MTMR3: variants seen among roughly 807,000 people sequenced by gnomAD.
MTMR3 encodes phosphatidylinositol-3,5-bisphosphate 3-phosphatase MTMR3.
A neutral mutation model predicts 132.4 loss-of-function variants in MTMR3; 32 were observed. That is an observed-to-expected ratio of 0.24 (90% confidence interval 0.18 to 0.32). The LOEUF (loss-of-function observed/expected upper bound fraction) is 0.32, where lower values mean the gene tolerates loss of function less well. MTMR3 is among the 10% of genes least tolerant of loss of function. The pLI is 1.00. For missense variants in MTMR3, 1,216 were observed against 1,489.6 expected, an observed-to-expected ratio of 0.82 and a Z score of 3.02; for synonymous variants, 556 against 550.3, an observed-to-expected ratio of 1.01 and a Z score of -0.14.
At chr22:29,933,900 A>G (rs1049226262) in intron 1 of MTMR3, among the ~76,000 whole-genome samples, 2 of 152,042 alleles carry the variant, frequency 1.3e-5, no homozygotes, top group South Asian at 2.1e-4. Context: ...TTGCTTTCTT[A>G]CCACCTCTCA....
At chr22:29,968,600 A>G (rs1472872415) in intron 2 of MTMR3, among the ~76,000 whole-genome samples, 1 of 152,088 alleles carries the variant, frequency 6.6e-6, no homozygotes, top group South Asian at 2.1e-4. Flanking sequence ...CTGTTACACC[A>G]TCACCAAACT....
At chr22:29,885,381 A>T (rs2064653355) in intron 1 of MTMR3, among the ~76,000 whole-genome samples, 1 of 152,342 alleles carries the variant, frequency 6.6e-6, no homozygotes, top group East Asian at 1.9e-4. Context: ...ACTTAAAGAG[A>T]TGCAAATTGA....
chr22:29,889,486 C>T (rs1335436703), intron 1 of MTMR3, among the ~76,000 whole-genome samples: 10 of 151,840 alleles, frequency 6.6e-5, no homozygotes, highest in Admixed American at 2.0e-4. Flanking sequence ...AGGGTTTCAC[C>T]ATGTTGGCCA....
intron 7 of MTMR3, chr22:29,996,512 A>C (rs1185450465): frequency 6.6e-6 from 1 of 152,206 alleles, no homozygotes; most frequent in Admixed American, 6.5e-5. Context: ...AGAGGTGTTA[A>C]TGTAAAAGAT....
At chr22:29,960,816 A>G (rs746592421) in intron 2 of MTMR3, among the ~76,000 whole-genome samples, 2 of 152,136 alleles carry the variant, frequency 1.3e-5, no homozygotes, top group East Asian at 1.9e-4. Flanking sequence ...TCTTGAGGCT[A>G]TTATCTTAAC....
intron 1 of MTMR3, among the ~76,000 whole-genome samples, chr22:29,940,892 A>C (rs775438285): frequency 6.7e-6 from 1 of 150,120 alleles, no homozygotes; most frequent in Non-Finnish European, 1.5e-5. Flanking sequence ...CCAGGAGTTC[A>C]TATGCATTCC....
intron 9 of MTMR3, 132 bp downstream of exon 9, chr22:30,003,125 C>T: frequency 1.6e-6 from 1 of 636,910 alleles, no homozygotes; most frequent in Non-Finnish European, 2.8e-6. Flanking sequence ...GGCTGTACTT[C>T]CTTATTGTTA....
chr22:30,020,434 G>T lies in MTMR3; in HGVS notation c.2775G>T (p.Gly925=). ...TGCCTTTAGCCGAATGTAAAGAGGG[G>T]CTTGTGTGCAATGGTGCCCCAGAGA... ...CALPLAECKE[G]LVCNGAPETE... The change falls in exon 17 of 20, where the codon GGG becomes GGT. Residue 925 remains glycine (G), a synonymous_variant. Transcript: ENST00000401950. The T allele has an allele frequency of 1.2e-6, 2 of 1,614,198 alleles. No individual in the cohort carries two copies. Among genetic ancestry groups the T allele is most frequent in the Non-Finnish European group, 1.7e-6 (2 of 1,180,046 alleles).
At chr22:29,890,522 GA>G (rs1041240097) in intron 1 of MTMR3, among the ~76,000 whole-genome samples, 21 of 145,386 alleles carry the variant, frequency 1.4e-4, no homozygotes, top group South Asian at 2.2e-4. Context: ...AGTCTCAAAA[GA>G]AAAAAAAAAG....
chr22:29,910,235 G>C lies in MTMR3; in HGVS notation c.-138+26876G>C, dbSNP rs545436101. 2.8e-4 allele frequency among the ~76,000 whole-genome samples: 42 copies of C among 152,140 alleles called. 1 individual carries two copies. The South Asian group carries it at 5.8e-3, about 21-fold the overall frequency. On this transcript the variant is annotated intron_variant, in intron 1 of 19. Coordinates refer to ENST00000401950, the MANE Select transcript of MTMR3 (RefSeq NM_021090.4). ...CACACACCACTGAATGTAGGTCATC[G>C]TTTAAAATCTGAGTGTACATCCAAA... is the stretch of plus-strand genomic sequence containing the variant.
intron 17 of MTMR3, chr22:30,021,612 A>G (rs1396054471): frequency 1.1e-5 from 2 of 176,478 alleles, no homozygotes; most frequent in Non-Finnish European, 2.4e-5. Flanking sequence ...CTTCATGCTA[A>G]TGATAGTTTC....
intron 1 of MTMR3, among the ~76,000 whole-genome samples, chr22:29,932,493 G>A (rs2065665758): frequency 6.6e-6 from 1 of 152,114 alleles, no homozygotes; most frequent in Admixed American, 6.5e-5. Context: ...ATCAAAGATT[G>A]CTGGGAAGGC....
intron 1 of MTMR3, among the ~76,000 whole-genome samples, chr22:29,945,071 GGGAT>G (rs1215689129): frequency 6.6e-6 from 1 of 152,134 alleles, no homozygotes; most frequent in Non-Finnish European, 1.5e-5. Flanking sequence ...GGAGTGCAGA[GGGAT>G]GATCACCACT....
In MTMR3 at chr22:30,013,378, T is replaced by C. The variant is rs142468850; in HGVS notation, c.1340T>C (p.Met447Thr). The change falls in exon 14 of 20, where the codon ATG (methionine) becomes ACG (threonine). Residue 447 changes from methionine (M) to threonine (T), a missense_variant. Met to Thr is a moderately conservative substitution (Grantham distance 81). Coordinates refer to ENST00000401950, the MANE Select transcript of MTMR3 (RefSeq NM_021090.4). ...TIEGFQVLVE[M>T]EWLDFGHKFA... ...CAGGGTTTCCAGGTCCTCGTGGAAA[T>C]GGAGTGGCTGGATTTTGGCCATAAA... 183 of 1,613,908 alleles carry C rather than the reference T, an allele frequency of 1.1e-4. No individual in the cohort carries two copies. In the African/African-American group the frequency reaches 1.9e-3, roughly 17 times the overall value.
At chr22:29,904,469 C>T (rs1430272822) in intron 1 of MTMR3, among the ~76,000 whole-genome samples, 1 of 152,202 alleles carries the variant, frequency 6.6e-6, no homozygotes, top group Non-Finnish European at 1.5e-5. Flanking sequence ...TGTGGTTCTA[C>T]CACTTACCTG....
Position 30,020,515 on chromosome 22 carries a change from C to G in MTMR3, c.2856C>G (p.Pro952=), listed in dbSNP as rs1601436740. The part of the protein sequence containing the change: ...PPGLSTLQMY[P]TPNGHCANGE... ...GTCTTAGCACCCTCCAGATGTACCCCACACCCAATGGGCATTGCGCCAATG... is the reference window on the plus strand; with the variant it reads ...GTCTTAGCACCCTCCAGATGTACCCGACACCCAATGGGCATTGCGCCAATG... The change falls in exon 17 of 20, where the codon CCC becomes CCG. Residue 952 remains proline (P), a synonymous_variant. Coordinates refer to ENST00000401950, the MANE Select transcript of MTMR3 (RefSeq NM_021090.4). The G allele has an allele frequency of 2.5e-6, 4 of 1,614,202 alleles. No homozygotes were observed. In the East Asian group the frequency reaches 8.9e-5, roughly 36 times the overall value.
At chr22:30,002,787 T>TA in intron 8 of MTMR3, 93 bp from the exon 9 acceptor site, 5 of 948,170 alleles carry the variant, frequency 5.3e-6, no homozygotes, top group Non-Finnish European at 4.9e-6. Flanking sequence ...TCATCATCCT[T>TA]ATGCTGGCTC....
rs558646912 is a variant in MTMR3 at position 29,988,395 on chromosome 22, TTTAA to T, written c.211-81_211-78del. ...TTTGTTGCTTTCCCTTATAGATCTT[TTTAA>T]TTAGTCTTGTTGGACACATTGAAGA... is the stretch of plus-strand genomic sequence containing the variant. On this transcript the variant is annotated intron_variant, in intron 5 of 19. Transcript: ENST00000401950. 163 of 948,192 alleles carry T rather than the reference TTTAA, an allele frequency of 1.7e-4. No individual in the cohort carries two copies. In the African/African-American group the frequency reaches 2.6e-3, roughly 15 times the overall value. 58.7% of individuals were successfully genotyped at this position (948,192 alleles called of 1,614,324 possible). A position where few individuals can be genotyped will look rare whatever the true frequency, so the allele number is the denominator to read the frequency against.
Position 29,970,957 on chromosome 22 carries a change from T to A in MTMR3, c.-84-19T>A. 67 of 256,360 alleles carry A rather than the reference T, an allele frequency of 2.6e-4. No homozygotes were observed. Among genetic ancestry groups the A allele is most frequent in the Non-Finnish European group, 4.8e-4 (60 of 124,684 alleles). The allele number at this position is 256,360 out of a possible 1,614,324, so 15.9% of individuals were successfully genotyped here. A position where few individuals can be genotyped will look rare whatever the true frequency, so the allele number is the denominator to read the frequency against. ...CCTCTTTTTTTTTTCTTCTTCCCCC[T>A]CTTCCCCCCCACCCCCAGACTTCAC... On this transcript the variant is annotated intron_variant, in intron 2 of 19. Transcript: ENST00000401950.
Sources: allele counts gnomAD v4.1 joint callset (sites outside exome capture counted in the v4.1 genomes callset), GRCh38; gene constraint gnomAD v4.1.1; transcripts MANE v1.5; gene names NCBI Gene and HGNC (gene_info 2026-07-23, HGNC 2026-07-21).